KCNQ5: variants seen among roughly 807,000 people sequenced by gnomAD.
KCNQ5 encodes potassium voltage-gated channel subfamily Q member 5, also known as potassium voltage-gated channel subfamily KQT member 5.
A neutral mutation model predicts 98.2 loss-of-function variants in KCNQ5; 30 were observed. That is an observed-to-expected ratio of 0.31 (90% CI 0.23 to 0.41). The LOEUF (loss-of-function observed/expected upper bound fraction) is 0.41, where lower values mean the gene tolerates loss of function less well. Ranked by LOEUF, KCNQ5 falls within the 10% of genes least tolerant of loss-of-function variation. KCNQ5 has a pLI of 1.00. For missense variants in KCNQ5, 835 were observed against 1,182.5 expected, an observed-to-expected ratio of 0.71 and a Z score of 4.31; for synonymous variants, 458 against 449.4, an observed-to-expected ratio of 1.02 and a Z score of -0.24.
At chr6:73,169,329 G>A (rs892913856) in intron 10 of KCNQ5, among the ~76,000 whole-genome samples, 1 of 152,198 alleles carries the variant, frequency 6.6e-6, no homozygotes, top group Non-Finnish European at 1.5e-5. Context: ...GGCTAATGGG[G>A]TCAGTGTCAT....
chr6:72,687,835 CTT>C (rs531246586), intron 1 of KCNQ5, among the ~76,000 whole-genome samples: 1,403 of 135,880 alleles, frequency 0.01, 19 homozygotes, highest in African/African-American at 0.036. Flanking sequence ...TTATTGATCC[CTT>C]TTTTTTTTTT....
chr6:72,647,355 G>A (rs1036094030), intron 1 of KCNQ5, among the ~76,000 whole-genome samples: 3 of 151,950 alleles, frequency 2.0e-5, no homozygotes, highest in African/African-American at 7.2e-5. Flanking sequence ...GAGAGAGAGT[G>A]TAAGGTAAAG....
At chr6:72,661,232 G>A (rs1766508757) in intron 1 of KCNQ5, among the ~76,000 whole-genome samples, 1 of 151,824 alleles carries the variant, frequency 6.6e-6, no homozygotes, top group Admixed American at 6.6e-5. Flanking sequence ...TTATTTATAT[G>A]TAAGTTATAA....
intron 1 of KCNQ5, among the ~76,000 whole-genome samples, chr6:72,955,983 A>G (rs1767024825): frequency 6.6e-6 from 1 of 152,204 alleles, no homozygotes; most frequent in South Asian, 2.1e-4. Flanking sequence ...CAACCTTAAA[A>G]TATCCCAGGT....
At chr6:72,690,485 T>G (rs979457624) in intron 1 of KCNQ5, among the ~76,000 whole-genome samples, 1 of 152,206 alleles carries the variant, frequency 6.6e-6, no homozygotes, top group Non-Finnish European at 1.5e-5. Flanking sequence ...TATTTAGGGT[T>G]GTGGACAGAA....
chr6:72,982,495 T>C (rs1156346101), intron 1 of KCNQ5, among the ~76,000 whole-genome samples: 3 of 145,048 alleles, frequency 2.1e-5, no homozygotes, highest in Non-Finnish European at 4.5e-5. Flanking sequence ...TGCTTTTTTT[T>C]TTTTTTTTTT....
chr6:72,801,753 A>G, intron 1 of KCNQ5, among the ~76,000 whole-genome samples: 1 of 152,144 alleles, frequency 6.6e-6, no homozygotes. Flanking sequence ...ATGGTTTTGC[A>G]GTGGCTGGTA....
chr6:72,646,102 A>G (rs1254662673), intron 1 of KCNQ5, among the ~76,000 whole-genome samples: 1 of 152,170 alleles, frequency 6.6e-6, no homozygotes, highest in Non-Finnish European at 1.5e-5. Flanking sequence ...CCCATGGACT[A>G]TCACCCTATG....
At chr6:72,990,718 G>A (rs1386744850) in intron 1 of KCNQ5, among the ~76,000 whole-genome samples, 1 of 62,610 alleles carries the variant, frequency 1.6e-5, no homozygotes, top group Non-Finnish European at 3.0e-5. Context: ...GTGAGAGAGG[G>A]CATCCCTGTC....
At chr6:72,966,409 A>C (rs1018423121) in intron 1 of KCNQ5, among the ~76,000 whole-genome samples, 1 of 151,794 alleles carries the variant, frequency 6.6e-6, no homozygotes, top group Non-Finnish European at 1.5e-5. Flanking sequence ...AAATAACAAA[A>C]AAAAAAAAAA....
chr6:72,632,807 T>A (rs2098921773), intron 1 of KCNQ5, among the ~76,000 whole-genome samples: 1 of 90,988 alleles, frequency 1.1e-5, no homozygotes. Context: ...ATATGTACCA[T>A]TTTTTTTTTT....
At chr6:72,883,183 T>A (rs1778708223) in intron 1 of KCNQ5, among the ~76,000 whole-genome samples, 1 of 152,210 alleles carries the variant, frequency 6.6e-6, no homozygotes, top group African/African-American at 2.4e-5. Context: ...ACAGTACCCA[T>A]GCTCTGCACT....
At chr6:73,046,035 C>G (rs897424645) in intron 3 of KCNQ5, among the ~76,000 whole-genome samples, 1 of 151,890 alleles carries the variant, frequency 6.6e-6, no homozygotes, top group African/African-American at 2.4e-5. Context: ...AAAATTGAAG[C>G]CTTTATTAAA....
chr6:72,986,200 A>C (rs1459839928), intron 1 of KCNQ5: 1 of 171,130 alleles, frequency 5.8e-6, no homozygotes, highest in Admixed American at 6.3e-5. Flanking sequence ...ATTGCACTCC[A>C]GCCTGGGTGA....
chr6:72,690,870 A>G (rs1457507861), intron 1 of KCNQ5, among the ~76,000 whole-genome samples: 1 of 152,070 alleles, frequency 6.6e-6, no homozygotes, highest in Non-Finnish European at 1.5e-5. Context: ...TAAATTATAT[A>G]TAGATGTCCT....
At chr6:72,782,216 T>G (rs1393151865) in intron 1 of KCNQ5, among the ~76,000 whole-genome samples, 3 of 151,910 alleles carry the variant, frequency 2.0e-5, no homozygotes, top group Non-Finnish European at 4.4e-5. Flanking sequence ...ATTCAGACTC[T>G]TCAGTCACAG....
At chr6:72,951,056 C>G (rs891997942) in intron 1 of KCNQ5, among the ~76,000 whole-genome samples, 34 of 152,158 alleles carry the variant, frequency 2.2e-4, no homozygotes, top group African/African-American at 7.0e-4. Context: ...CTGCCTTTTC[C>G]CAGATCCCAA....
intron 1 of KCNQ5, among the ~76,000 whole-genome samples, chr6:72,734,690 G>A (rs534379974): frequency 3.3e-5 from 5 of 152,204 alleles, no homozygotes; most frequent in Middle Eastern, 3.4e-3. Context: ...TTTTATTGCA[G>A]TAGAGCCCAG....
chr6:73,030,062 A>C (rs990263727), intron 2 of KCNQ5, among the ~76,000 whole-genome samples: 3 of 152,210 alleles, frequency 2.0e-5, no homozygotes, highest in Non-Finnish European at 4.4e-5. Flanking sequence ...CACATGGTTA[A>C]TAACATTGAA....
Sources: gnomAD v4.1 joint callset for allele counts (sites outside exome capture counted in the v4.1 genomes callset) on GRCh38, gnomAD v4.1.1 for gene constraint, MANE v1.5 for transcripts, NCBI Gene and HGNC (gene_info 2026-07-23, HGNC 2026-07-21) for gene names.